The following ANKRD52 variants were observed in gnomAD, a reference collection of about 807,000 sequenced individuals.
ANKRD52 encodes the protein serine/threonine-protein phosphatase 6 regulatory ankyrin repeat subunit C.
A neutral mutation model predicts 116.0 loss-of-function variants in ANKRD52; 7 were observed. The ratio of observed to expected loss-of-function variants is 0.06; its 90% CI spans 0.03 to 0.11. The LOEUF (loss-of-function observed/expected upper bound fraction) is 0.11. Ranked by LOEUF, ANKRD52 falls within the 10% of genes least tolerant of loss-of-function variation. The pLI is 1.00. For synonymous variants in ANKRD52, 528 were observed against 578.1 expected, an observed-to-expected ratio of 0.91 and a Z score of 1.24; for missense variants, 839 against 1,408.6, an observed-to-expected ratio of 0.60 and a Z score of 6.47.
rs1196075821 is a variant in ANKRD52, at chr12:56,240,127, G to A, written c.*3015C>T. ...GCAGTCCTATGGCTCAGGGGGCCAC[G>A]GGGCAGGGGAGGTGGCCCGTCAGTC... On this transcript the variant is annotated 3_prime_UTR_variant, in exon 28 of 28. Transcript: ENST00000267116. The surrounding 1 kb of genome is among the most constrained non-coding windows in gnomAD (Gnocchi z 4.2). 1 of 152,178 alleles carries A rather than the reference G, an allele frequency of 6.6e-6. No individual in the cohort carries two copies. Among genetic ancestry groups the A allele is most frequent in the South Asian group, 2.1e-4 (1 of 4,828 alleles). The allele number at this position is 152,178 out of a possible 1,614,324, so 9.4% of individuals were successfully genotyped here. A position where few individuals can be genotyped will look rare whatever the true frequency, so the allele number is the denominator to read the frequency against.
chr12:56,242,697 C>T lies in ANKRD52; in HGVS notation c.*445G>A, dbSNP rs573697630. The T allele has an allele frequency of 4.3e-5, 8 of 186,880 alleles. No individual in the cohort carries two copies. The East Asian group carries it at 1.1e-3, about 26-fold the overall frequency. 11.6% of individuals were successfully genotyped at this position (186,880 alleles called of 1,614,324 possible). A position where few individuals can be genotyped will look rare whatever the true frequency, so the allele number is the denominator to read the frequency against. On this transcript the variant is annotated 3_prime_UTR_variant, in exon 28 of 28. Coordinates refer to ENST00000267116, the MANE Select transcript of ANKRD52 (RefSeq NM_173595.4). This position sits in a 1 kb window ranked among gnomAD's most constrained non-coding sequence, Gnocchi z 4.3. ...CAGAAATTAAGGCTTCTCACTGCTG[C>T]GGGGATGGAGGGACCGGCCGAGCAG... is the stretch of plus-strand genomic sequence containing the variant.
At position 56,244,228 on chromosome 12, in the gene ANKRD52, T is replaced by C; in HGVS notation, c.2806-95A>G. The C allele has an allele frequency of 6.5e-7, 1 of 1,537,710 alleles. No individual in the cohort carries two copies. Among genetic ancestry groups the C allele is most frequent in the South Asian group, 1.1e-5 (1 of 88,968 alleles). ...GGAGAGTAACAGGAGGACAAACAGCTGCCCAACCAGTCGGATAGGCTGGAC... is the reference window on the plus strand; with the variant it reads ...GGAGAGTAACAGGAGGACAAACAGCCGCCCAACCAGTCGGATAGGCTGGAC... On this transcript the variant is annotated intron_variant, in intron 25 of 27. Transcript: ENST00000267116. This position sits in a 1 kb window ranked among gnomAD's most constrained non-coding sequence, Gnocchi z 4.9.
At chr12:56,247,471 TC>T in intron 20 of ANKRD52, 21 bp downstream of exon 20, 1 of 1,543,504 alleles carries the variant, frequency 6.5e-7, no homozygotes, top group African/African-American at 1.4e-5. Flanking sequence ...GTGCAAACAA[TC>T]CCCCCTAGAA....
chr12:56,247,828 A>C, intron 18 of ANKRD52, 54 bp from the exon 19 acceptor site: 1 of 1,557,794 alleles, frequency 6.4e-7, no homozygotes, highest in East Asian at 2.3e-5. Flanking sequence ...AAGGGAGGCA[A>C]GGTCAAGCCT....
In ANKRD52 at chr12:56,243,362, T is replaced by C. The variant is rs748731346; in HGVS notation, c.3011A>G (p.Asn1004Ser). The stretch of plus-strand genomic sequence containing the variant: ...GGCCAGGCAGTCTGCCACATCTTTG[T>C]TGGGGGCACAGGCCAGTGCTGGGGT... ...GHTPALACAP[N>S]KDVADCLALI... The change falls in exon 28 of 28, where the codon AAC (asparagine) becomes AGC (serine). Residue 1004 changes from asparagine (N) to serine (S), a missense_variant. Asn to Ser is a conservative substitution (Grantham distance 46, BLOSUM62 1). Around this residue, in one of 2 missense-constraint regions of ANKRD52, gnomAD observed 552 missense variants for 810.6 expected, o/e 0.68. Coordinates refer to ENST00000267116, the MANE Select transcript of ANKRD52 (RefSeq NM_173595.4). This position sits in a 1 kb window ranked among gnomAD's most constrained non-coding sequence, Gnocchi z 4.6. The C allele has an allele frequency of 3.5e-5, 56 of 1,613,792 alleles. No individual in the cohort carries two copies. The highest frequency in any genetic ancestry group is 2.6e-5 in the Non-Finnish European group (31 of 1,179,840).
At chr12:56,251,952 A>G in intron 15 of ANKRD52, 63 bp downstream of exon 15, 1 of 1,547,536 alleles carries the variant, frequency 6.5e-7, no homozygotes, top group Non-Finnish European at 8.9e-7. Context: ...GTAGGAGGAC[A>G]GTAGGGCCAG....
chr12:56,249,702 G>A (rs983935180), intron 15 of ANKRD52, among the ~76,000 whole-genome samples: 2 of 152,194 alleles, frequency 1.3e-5, no homozygotes, highest in African/African-American at 2.4e-5. Flanking sequence ...TCAGGAGTTC[G>A]TGGCCAGCCT....
Position 56,256,905 on chromosome 12 carries a change from C to G in ANKRD52, c.261+110G>C, listed in dbSNP as rs536139182. 137 of 1,219,332 alleles carry G rather than the reference C, an allele frequency of 1.1e-4. No individual in the cohort carries two copies. The Middle Eastern group carries it at 2.8e-3, about 25-fold the overall frequency. The allele number at this position is 1,219,332 out of a possible 1,614,324, so 75.5% of individuals were successfully genotyped here. A position where few individuals can be genotyped will look rare whatever the true frequency, so the allele number is the denominator to read the frequency against. On this transcript the variant is annotated intron_variant, in intron 4 of 27. Transcript: ENST00000267116. Reference sequence around the variant, plus strand: ...GGCCAAGATTTGATCTCCTCACTACCTGGGGTAGAACAGCTTGTAGGGCTG... The same window carrying G: ...GGCCAAGATTTGATCTCCTCACTACGTGGGGTAGAACAGCTTGTAGGGCTG...
intron 2 of ANKRD52, among the ~76,000 whole-genome samples, 162 bp downstream of exon 2, chr12:56,257,666 T>C (rs1272762506): frequency 4.6e-5 from 7 of 152,018 alleles, no homozygotes; most frequent in Non-Finnish European, 1.0e-4. Flanking sequence ...AAGCCTGACC[T>C]GCTCTCCATC....
chr12:56,243,223 G>A lies in ANKRD52; in HGVS notation c.3150C>T (p.Gly1050=), dbSNP rs368037155. 5.0e-6 allele frequency: 8 copies of A among 1,613,668 alleles called. No individual in the cohort carries two copies. The highest frequency in any genetic ancestry group is 1.1e-5 in the South Asian group (1 of 91,030). ...GGCAGGAGGCCCCATGGGGCAGGGC[G>A]CCGCAGCCACCCACCGTCTTGGCGG... The part of the protein sequence containing the change: ...IAAAKTVGGC[G]ALPHGASCPY... The change falls in exon 28 of 28, where the codon GGC becomes GGT. Residue 1050 remains glycine (G), a synonymous_variant. Transcript: ENST00000267116. This position sits in a 1 kb window ranked among gnomAD's most constrained non-coding sequence, Gnocchi z 4.6.
rs1341207910 is a variant in ANKRD52, at chr12:56,244,475, C to T, written c.2723-40G>A. The T allele has an allele frequency of 2.5e-6, 4 of 1,607,950 alleles. No individual in the cohort carries two copies. The highest frequency in any genetic ancestry group is 3.4e-6 in the Non-Finnish European group (4 of 1,175,132). On this transcript the variant is annotated intron_variant, in intron 24 of 27. Coordinates refer to ENST00000267116, the MANE Select transcript of ANKRD52 (RefSeq NM_173595.4). This position sits in a 1 kb window ranked among gnomAD's most constrained non-coding sequence, Gnocchi z 4.9. ...TGATAGAGGGACTGACCCCTCCCTC[C>T]AGAGCAGTAGCCATCCTGGCTCTCC...
Position 56,248,775 on chromosome 12 carries a change from C to G in ANKRD52, c.1688G>C (p.Arg563Thr). The change falls in exon 16 of 28, where the codon AGA becomes ACA. Residue 563 changes from arginine (R) to threonine (T), a missense_variant. By Grantham distance (71) the Arg-to-Thr change is moderately conservative (BLOSUM62 -1). Around this residue, in one of 2 missense-constraint regions of ANKRD52, gnomAD observed 552 missense variants for 810.6 expected, o/e 0.68. Coordinates refer to ENST00000267116, the MANE Select transcript of ANKRD52 (RefSeq NM_173595.4). This position sits in a 1 kb window ranked among gnomAD's most constrained non-coding sequence, Gnocchi z 5.1. ...AVHYAAAYGN[R>T]QNLELLLEMS... ...AACACATACCAGTTCGAGGTTCTGT[C>G]TGTTGCCATAGGCGGCTGCATAGTG... is the stretch of plus-strand genomic sequence containing the variant. 1 of 1,610,646 alleles carries G rather than the reference C, an allele frequency of 6.2e-7. No individual in the cohort carries two copies. The highest frequency in any genetic ancestry group is 8.5e-7 in the Non-Finnish European group (1 of 1,178,064).
In ANKRD52 at chr12:56,240,055, G is replaced by A. The variant is rs963867625; in HGVS notation, c.*3087C>T. 2 of 151,956 alleles carry A rather than the reference G, an allele frequency of 1.3e-5. No homozygotes were observed. The highest frequency in any genetic ancestry group is 4.8e-5 in the African/African-American group (2 of 41,342). 9.4% of individuals were successfully genotyped at this position (151,956 alleles called of 1,614,324 possible). On this transcript the variant is annotated 3_prime_UTR_variant, in exon 28 of 28. Coordinates refer to ENST00000267116, the MANE Select transcript of ANKRD52 (RefSeq NM_173595.4). The surrounding 1 kb of genome is among the most constrained non-coding windows in gnomAD (Gnocchi z 4.2). Reference sequence around the variant, plus strand: ...ACAAAAGGAGAAGCCCCCTCCCCCAGGGGCTGCTCCCCACCCCAACCTGGG... The same window carrying A: ...ACAAAAGGAGAAGCCCCCTCCCCCAAGGGCTGCTCCCCACCCCAACCTGGG...
Position 56,241,675 on chromosome 12 carries a change from G to A in ANKRD52, c.*1467C>T, listed in dbSNP as rs375932549. The A allele has an allele frequency of 1.1e-5, 3 of 275,200 alleles. No individual in the cohort carries two copies. The highest frequency in any genetic ancestry group is 6.5e-5 in the African/African-American group (3 of 45,924). The allele number at this position is 275,200 out of a possible 1,614,324, so 17.0% of individuals were successfully genotyped here. On this transcript the variant is annotated 3_prime_UTR_variant, in exon 28 of 28. Coordinates refer to ENST00000267116, the MANE Select transcript of ANKRD52 (RefSeq NM_173595.4). ...TTCAAGTTCTGTGTCTTGGCCCCTG[G>A]CTGAGGTATTGAGTGTGAGGAAGGG...
rs1871820682 is a variant in ANKRD52 at position 56,253,944 on chromosome 12, G to A, written c.906+123C>T. 7.5e-7 allele frequency: 1 copy of A among 1,335,414 alleles called. No individual in the cohort carries two copies. Among genetic ancestry groups the A allele is most frequent in the Admixed American group, 2.1e-5 (1 of 48,188 alleles). The allele number at this position is 1,335,414 out of a possible 1,614,324, so 82.7% of individuals were successfully genotyped here. On this transcript the variant is annotated intron_variant, in intron 8 of 27. Transcript: ENST00000267116. The surrounding 1 kb of genome is among the most constrained non-coding windows in gnomAD (Gnocchi z 5.5). ...TTAGCCCACTCTTTCCTGAGTCCCT[G>A]GCAAGGTCTGATTACCCTAGGAAGC...
chr12:56,244,906 C>T lies in ANKRD52; in HGVS notation c.2576G>A (p.Arg859Gln). The T allele has an allele frequency of 6.2e-7, 1 of 1,613,972 alleles. No homozygotes were observed. The highest frequency in any genetic ancestry group is 8.5e-7 in the Non-Finnish European group (1 of 1,179,878). ...KIVNSRDAKGRTPLHAAAFAD... is the reference protein window; with the variant it reads ...KIVNSRDAKGQTPLHAAAFAD... ...TCTTCCCAAGTCTTCCATCACTCAC[C>T]GTCCTTTGGCATCTCGGCTGTTCAC... is the stretch of plus-strand genomic sequence containing the variant. Residue 859 changes from arginine (R) to glutamine (Q), a missense_variant and splice_region_variant, in exon 23 of 28, where the codon CGG becomes CAG. Around this residue, in one of 2 missense-constraint regions of ANKRD52, gnomAD observed 552 missense variants for 810.6 expected, o/e 0.68. Coordinates refer to ENST00000267116, the MANE Select transcript of ANKRD52 (RefSeq NM_173595.4). This position sits in a 1 kb window ranked among gnomAD's most constrained non-coding sequence, Gnocchi z 4.9.
chr12:56,252,600 A>G lies in ANKRD52; in HGVS notation c.1302-30T>C. ...AAGAAAGATGTGTTAAGAGAGTTAC[A>G]GCCTCAAAGGGAAGCCACAGGCCCA... On this transcript the variant is annotated intron_variant, in intron 12 of 27. Coordinates refer to ENST00000267116, the MANE Select transcript of ANKRD52 (RefSeq NM_173595.4). This position sits in a 1 kb window ranked among gnomAD's most constrained non-coding sequence, Gnocchi z 4.7. The G allele has an allele frequency of 4.3e-6, 7 of 1,609,698 alleles. No individual in the cohort carries two copies. Among genetic ancestry groups the G allele is most frequent in the Non-Finnish European group, 6.0e-6 (7 of 1,176,416 alleles).
chr12:56,253,819 T>C lies in ANKRD52; in HGVS notation c.907-19A>G, dbSNP rs1871812523. ...CTTTGCTCTGTGGAAACATGGTGGG[T>C]TTTTGTTTTTGTTTTTTTTTCCAGT... On this transcript the variant is annotated intron_variant, in intron 8 of 27. Coordinates refer to ENST00000267116, the MANE Select transcript of ANKRD52 (RefSeq NM_173595.4). The surrounding 1 kb of genome is among the most constrained non-coding windows in gnomAD (Gnocchi z 5.5). 1 of 1,610,640 alleles carries C rather than the reference T, an allele frequency of 6.2e-7. No homozygotes were observed.
rs1391578764 is a variant in ANKRD52, at chr12:56,244,616, G to A, written c.2722+36C>T. ...CTGACCCATCCTGCAAATGCCCCAG[G>A]GGAGCTCCTCCCTTCCACAAGTGGC... is the stretch of plus-strand genomic sequence containing the variant. On this transcript the variant is annotated intron_variant, in intron 24 of 27. Transcript: ENST00000267116. The surrounding 1 kb of genome is among the most constrained non-coding windows in gnomAD (Gnocchi z 4.9). 1.9e-6 allele frequency: 3 copies of A among 1,611,614 alleles called. No individual in the cohort carries two copies. Among genetic ancestry groups the A allele is most frequent in the Non-Finnish European group, 1.7e-6 (2 of 1,179,102 alleles).
Sources: gnomAD v4.1 joint callset for allele counts (sites outside exome capture counted in the v4.1 genomes callset) on GRCh38, gnomAD v4.1.1 for gene constraint, gnomAD v4.1.1 regional missense constraint, Gnocchi (gnomAD v3.1) non-coding constraint, MANE v1.5 for transcripts, NCBI Gene and HGNC (gene_info 2026-07-23, HGNC 2026-07-21) for gene names.